The following TDRD12 variants were observed in gnomAD, a reference collection of about 807,000 sequenced individuals.
TDRD12 encodes putative ATP-dependent RNA helicase TDRD12.
A neutral mutation model predicts 133.5 loss-of-function variants in TDRD12; 158 were observed. That is an observed-to-expected ratio of 1.18 (90% CI 1.04 to 1.35). The LOEUF is 1.35. TDRD12 is among the 40% of genes most tolerant of loss of function. TDRD12 has a pLI of 0.00. For synonymous variants in TDRD12, 460 were observed against 477.9 expected (o/e 0.96, Z 0.49); for missense variants, 1,443 against 1,321.3 (o/e 1.09, Z -1.43).
chr19:32,733,524 C>T (rs1969125411), intron 2 of TDRD12, among the ~76,000 whole-genome samples: 1 of 151,650 alleles, frequency 6.6e-6, no homozygotes, highest in Admixed American at 6.6e-5. Context: ...AAATATAAAG[C>T]TTTGGGTAGA....
intron 6 of TDRD12, among the ~76,000 whole-genome samples, chr19:32,754,045 T>C (rs1226797333): frequency 6.6e-6 from 1 of 152,208 alleles, no homozygotes; most frequent in African/African-American, 2.4e-5. Flanking sequence ...TCAGTGTGAT[T>C]ATGTTATTCT....
chr19:32,755,856 A>G (rs1969976765), intron 6 of TDRD12, 136 bp from the exon 7 acceptor site: 1 of 643,638 alleles, frequency 1.6e-6, no homozygotes. Flanking sequence ...CAGGAGTCAA[A>G]TCTGTTTCTC....
chr19:32,756,916 CT>C, intron 7 of TDRD12, 121 bp from the exon 8 acceptor site: 3 of 745,982 alleles, frequency 4.0e-6, no homozygotes, highest in Non-Finnish European at 6.8e-6. Flanking sequence ...CTTGTGTCCC[CT>C]AGTCAGGTTT....
downstream of TDRD12, among the ~76,000 whole-genome samples, chr19:32,822,454 A>G (rs1967432803): frequency 6.6e-6 from 1 of 151,996 alleles, no homozygotes; most frequent in Non-Finnish European, 1.5e-5. Flanking sequence ...TAAACAAATA[A>G]TAGATAAACG....
intron 1 of TDRD12, among the ~76,000 whole-genome samples, chr19:32,729,915 C>T (rs546388510): frequency 4.0e-5 from 6 of 151,136 alleles, no homozygotes; most frequent in South Asian, 2.1e-4. Flanking sequence ...CTCAGCCTCC[C>T]GAGTAGCTGG....
At chr19:32,721,762 C>T (rs553823262) in intron 1 of TDRD12, among the ~76,000 whole-genome samples, 2 of 148,362 alleles carry the variant, frequency 1.3e-5, no homozygotes, top group East Asian at 3.9e-4. Flanking sequence ...GGCTGGAGTG[C>T]AGTGGCGCGA....
chr19:32,757,573 C>G (rs970740084), intron 8 of TDRD12, among the ~76,000 whole-genome samples: 2 of 152,174 alleles, frequency 1.3e-5, no homozygotes, highest in Non-Finnish European at 1.5e-5. Flanking sequence ...TTTTCAGCCC[C>G]TTTGATGACT....
At chr19:32,773,228 C>T (rs1017236265) in intron 9 of TDRD12, among the ~76,000 whole-genome samples, 10 of 152,250 alleles carry the variant, frequency 6.6e-5, no homozygotes, top group East Asian at 1.9e-4. Context: ...TAAGTACTGA[C>T]GATCTGGAAT....
At chr19:32,794,402 G>C (rs564106280) in intron 13 of TDRD12, among the ~76,000 whole-genome samples, 2 of 152,174 alleles carry the variant, frequency 1.3e-5, no homozygotes, top group African/African-American at 4.8e-5. Flanking sequence ...ACCGTGCCCT[G>C]CCTAGCAAGA....
At chr19:32,764,879 T>C (rs1382981196) in intron 8 of TDRD12, among the ~76,000 whole-genome samples, 2 of 151,914 alleles carry the variant, frequency 1.3e-5, no homozygotes, top group East Asian at 1.9e-4. Context: ...AAAGCCAAAA[T>C]TGACAAATGG....
At chr19:32,774,339 C>G (rs1353587973) in intron 10 of TDRD12, among the ~76,000 whole-genome samples, 1 of 152,134 alleles carries the variant, frequency 6.6e-6, no homozygotes, top group Non-Finnish European at 1.5e-5. Flanking sequence ...TGTGTGGTTG[C>G]ATTGGTGTTC....
chr19:32,769,709 T>C (rs1970392114), intron 8 of TDRD12, among the ~76,000 whole-genome samples: 1 of 152,050 alleles, frequency 6.6e-6, no homozygotes, highest in South Asian at 2.1e-4. Flanking sequence ...CGATCTCAGC[T>C]CACCACAACC....
chr19:32,791,027 T>C, exon 13 of TDRD12: 2 of 1,536,308 alleles, frequency 1.3e-6, no homozygotes, highest in Middle Eastern at 3.3e-4. Flanking sequence ...CAAGCCCTGC[T>C]TAACCATTGA....
chr19:32,796,382 C>T (rs1971228203), intron 14 of TDRD12, among the ~76,000 whole-genome samples: 2 of 151,978 alleles, frequency 1.3e-5, no homozygotes, highest in Admixed American at 6.6e-5. Flanking sequence ...AGATCGAGAT[C>T]GAGACTATCC....
intron 1 of TDRD12, among the ~76,000 whole-genome samples, chr19:32,728,731 C>T (rs1460781172): frequency 3.3e-5 from 5 of 150,286 alleles, no homozygotes; most frequent in Non-Finnish European, 4.4e-5. Context: ...CTGCAAGCTC[C>T]GCCTCCTGGG....
At chr19:32,745,020 G>A (rs1969558597) in intron 4 of TDRD12, among the ~76,000 whole-genome samples, 1 of 152,200 alleles carries the variant, frequency 6.6e-6, no homozygotes, top group African/African-American at 2.4e-5. Context: ...ACTGATGTGA[G>A]GATAAGTCCC....
intron 3 of TDRD12, among the ~76,000 whole-genome samples, chr19:32,739,408 G>C (rs1433736331): frequency 7.5e-6 from 1 of 134,162 alleles, no homozygotes; most frequent in Non-Finnish European, 1.7e-5. Flanking sequence ...CATCTCCTGG[G>C]GTTCTCTCTC....
At chr19:32,787,902 C>T (rs995457704) in intron 11 of TDRD12, among the ~76,000 whole-genome samples, 2 of 152,072 alleles carry the variant, frequency 1.3e-5, no homozygotes, top group East Asian at 1.9e-4. Flanking sequence ...CCAGGTGGGG[C>T]GACACTCCAC....
At chr19:32,784,776 T>G (rs1310500298) in intron 11 of TDRD12, among the ~76,000 whole-genome samples, 3 of 152,178 alleles carry the variant, frequency 2.0e-5, no homozygotes, top group Non-Finnish European at 4.4e-5. Flanking sequence ...TTTGCATAGG[T>G]GTTTATAGTA....
Sources: gnomAD v4.1 joint callset for allele counts (sites outside exome capture counted in the v4.1 genomes callset) on GRCh38, gnomAD v4.1.1 for gene constraint, MANE v1.5 for transcripts, NCBI Gene and HGNC (gene_info 2026-07-23, HGNC 2026-07-21) for gene names.